The following DLGAP2 variants were observed in gnomAD, a reference collection of about 807,000 sequenced individuals.
The protein encoded by DLGAP2 is DLG associated protein 2.
In DLGAP2, 26 loss-of-function variants were observed where a neutral mutation model predicts 100.3. That is an observed-to-expected ratio of 0.26 (90% confidence interval 0.19 to 0.36). The LOEUF (loss-of-function observed/expected upper bound fraction) is 0.36, where lower values mean the gene tolerates loss of function less well. Ranked by LOEUF, DLGAP2 falls within the 10% of genes least tolerant of loss-of-function variation. The pLI is 1.00. For missense variants in DLGAP2, 1,858 were observed against 1,453.2 expected (o/e 1.28, Z -4.53); for synonymous variants, 886 against 630.1 (o/e 1.41, Z -6.08).
intron 2 of DLGAP2, among the ~76,000 whole-genome samples, chr8:1,242,029 C>T (rs1042912675): frequency 6.6e-6 from 1 of 152,152 alleles, no homozygotes; most frequent in African/African-American, 2.4e-5. Context: ...GGTAGACTTG[C>T]TTTGATGATT....
At chr8:822,957 G>A (rs1293982554) in intron 1 of DLGAP2, among the ~76,000 whole-genome samples, 4 of 152,088 alleles carry the variant, frequency 2.6e-5, no homozygotes, top group South Asian at 2.1e-4. Context: ...AAACAGTCAC[G>A]GAGACGGCAT....
chr8:1,529,702 T>A (rs916003636), intron 4 of DLGAP2, among the ~76,000 whole-genome samples: 1 of 152,230 alleles, frequency 6.6e-6, no homozygotes, highest in African/African-American at 2.4e-5. Flanking sequence ...ATAATTACTC[T>A]TTGAACAGAC....
Position 1,237,106 on chromosome 8 carries a change from C to T in DLGAP2, c.74-21745C>T, listed in dbSNP as rs35661196. ...CCGTGTCTAGTTCTCTCACATGGCA[C>T]CGTGCCTAGTTCTGTCTCACATGGG... On this transcript the variant is annotated intron_variant, in intron 2 of 14. Coordinates refer to ENST00000637795, the MANE Select transcript of DLGAP2 (RefSeq NM_001346810.2). Among the ~76,000 whole-genome samples, 187 of 127,044 alleles carry T rather than the reference C, an allele frequency of 1.5e-3. 5 individuals are homozygous for T. The highest frequency in any genetic ancestry group is 6.3e-3 in the African/African-American group (177 of 28,308). 83.3% of individuals were successfully genotyped at this position (127,044 alleles called of 152,430 possible).
At chr8:817,123 A>G (rs1796496143) in intron 1 of DLGAP2, among the ~76,000 whole-genome samples, 1 of 146,496 alleles carries the variant, frequency 6.8e-6, no homozygotes, top group Admixed American at 6.9e-5. Context: ...CCTGGGCGAC[A>G]CAGCGAGACT....
rs1554467358 is a variant in DLGAP2 at position 1,430,011 on chromosome 8, T to TATATATATATAC, written c.107-71344_107-71343insCATATATATATA. ...GGGGAGAGATGCATATATATACATATATATATATATATATATACACACACA... is the reference window on the plus strand; with the variant it reads ...GGGGAGAGATGCATATATATACATATATATATATATACATATATATATATATATACACACACA... On this transcript the variant is annotated intron_variant, in intron 3 of 14. Transcript: ENST00000637795. Among the ~76,000 whole-genome samples, 20 of 63,932 alleles carry TATATATATATAC rather than the reference T, an allele frequency of 3.1e-4. 1 individual carries two copies. Among genetic ancestry groups the TATATATATATAC allele is most frequent in the African/African-American group, 8.8e-4 (16 of 18,092 alleles). The allele number at this position is 63,932 out of a possible 152,430, so 41.9% of individuals were successfully genotyped here. A position where few individuals can be genotyped will look rare whatever the true frequency, so the allele number is the denominator to read the frequency against.
chr8:1,191,412 T>C (rs372394798), intron 2 of DLGAP2, among the ~76,000 whole-genome samples: 1,587 of 152,242 alleles, frequency 0.01, 22 homozygotes, highest in Non-Finnish European at 9.6e-3. Context: ...CCTTGTGATC[T>C]GCCCGCCTCA....
At chr8:1,228,824 A>G (rs780462552) in intron 2 of DLGAP2, among the ~76,000 whole-genome samples, 1 of 152,174 alleles carries the variant, frequency 6.6e-6, no homozygotes, top group Non-Finnish European at 1.5e-5. Flanking sequence ...TTAACACCAT[A>G]CGTAATGGTT....
At chr8:970,419 T>C (rs959924245) in intron 2 of DLGAP2, among the ~76,000 whole-genome samples, 1 of 152,236 alleles carries the variant, frequency 6.6e-6, no homozygotes, top group Non-Finnish European at 1.5e-5. Flanking sequence ...AGGTGGCTGA[T>C]CAACGTTTAT....
intron 2 of DLGAP2, among the ~76,000 whole-genome samples, chr8:1,257,353 A>C (rs1025644648): frequency 6.6e-6 from 1 of 151,626 alleles, no homozygotes; most frequent in African/African-American, 2.4e-5. Flanking sequence ...CCTAACTTTT[A>C]TTTTGAACAA....
chr8:1,166,098 G>A (rs540082309), intron 2 of DLGAP2, among the ~76,000 whole-genome samples: 2 of 152,304 alleles, frequency 1.3e-5, no homozygotes, highest in East Asian at 3.9e-4. Flanking sequence ...CCTCTCTCAG[G>A]TCATGGCACC....
rs186771402 is a variant in DLGAP2 at position 1,588,054 on chromosome 8, C to T, written c.1442+22160C>T. On this transcript the variant is annotated intron_variant, in intron 6 of 14. Transcript: ENST00000637795. ...GACTCCTAATAGAGTTCTGGTAGCA[C>T]AATAGAAAAATAATTTTTCACATTC... 1.8e-3 allele frequency among the ~76,000 whole-genome samples: 271 copies of T among 152,256 alleles called. 1 individual carries two copies. Among genetic ancestry groups the T allele is most frequent in the South Asian group, 4.6e-3 (22 of 4,824 alleles).
chr8:1,250,106 C>G (rs1363430929), intron 2 of DLGAP2, among the ~76,000 whole-genome samples: 1 of 152,182 alleles, frequency 6.6e-6, no homozygotes, highest in Non-Finnish European at 1.5e-5. Context: ...GTCTCGATCT[C>G]CTGACCTTGT....
In DLGAP2 at chr8:1,343,710, T is replaced by TGG. The variant is rs34113891; in HGVS notation, c.106+84832_106+84833dup. On this transcript the variant is annotated intron_variant, in intron 3 of 14. Transcript: ENST00000637795. ...GGAGCAGTTTGCATCTGGGGGGTCGTGGGGGGTGTTAGAGGCTCCGATGTG... is the reference window on the plus strand; with the variant it reads ...GGAGCAGTTTGCATCTGGGGGGTCGTGGGGGGGGTGTTAGAGGCTCCGATGTG... 2.0e-4 allele frequency among the ~76,000 whole-genome samples: 30 copies of TGG among 151,094 alleles called. No homozygotes were observed. The East Asian group carries it at 3.6e-3, about 18-fold the overall frequency.
rs80241535 is a variant in DLGAP2 at position 1,547,986 on chromosome 8, G to A, written c.173-640G>A. On this transcript the variant is annotated intron_variant, in intron 4 of 14. Transcript: ENST00000637795. ...ATTTTTAAAACTTCTTAAGCTGTAC[G>A]ACAAAACTGAAATCTATGTGAAATA... 5.7e-3 allele frequency among the ~76,000 whole-genome samples: 863 copies of A among 152,276 alleles called. 9 individuals are homozygous for A. Among genetic ancestry groups the A allele is most frequent in the African/African-American group, 0.019 (809 of 41,542 alleles).
intron 2 of DLGAP2, among the ~76,000 whole-genome samples, chr8:1,205,064 G>C (rs764889018): frequency 3.9e-5 from 6 of 152,188 alleles, no homozygotes; most frequent in Admixed American, 3.9e-4. Context: ...ATGGGGAACC[G>C]GAATGTGGTT....
chr8:1,070,189 C>T (rs912192882), intron 2 of DLGAP2, among the ~76,000 whole-genome samples: 3 of 152,132 alleles, frequency 2.0e-5, no homozygotes, highest in African/African-American at 4.8e-5. Flanking sequence ...TTTGTAGACT[C>T]GGCGAGTCCT....
chr8:920,552 T>C (rs554020031), intron 2 of DLGAP2, among the ~76,000 whole-genome samples: 1 of 152,256 alleles, frequency 6.6e-6, no homozygotes, highest in East Asian at 1.9e-4. Context: ...GCTCAGGAGT[T>C]TGAGACCAGC....
intron 3 of DLGAP2, among the ~76,000 whole-genome samples, chr8:1,407,605 C>T (rs1305985999): frequency 4.7e-4 from 38 of 81,246 alleles, no homozygotes; most frequent in African/African-American, 1.5e-3. Context: ...GCCACCTCCT[C>T]ATCCTCCAGA....
intron 3 of DLGAP2, chr8:1,381,522 C>G (rs1421071991): frequency 2.0e-5 from 3 of 152,288 alleles, no homozygotes; most frequent in South Asian, 2.1e-4. Context: ...CGGTGCAGCC[C>G]CAGACCTTGC....
Sources: gnomAD v4.1 joint callset for allele counts (sites outside exome capture counted in the v4.1 genomes callset) on GRCh38, gnomAD v4.1.1 for gene constraint, MANE v1.5 for transcripts, NCBI Gene and HGNC (gene_info 2026-07-23, HGNC 2026-07-21) for gene names.